The following NCBP3 variants were observed in gnomAD, a reference collection of about 807,000 sequenced individuals.
The protein encoded by NCBP3 is nuclear cap-binding protein subunit 3.
Under a neutral mutation model 75.7 loss-of-function variants are expected in NCBP3, and 20 were observed. The observed-to-expected ratio is 0.26, with a 90% CI of 0.19 to 0.38. The LOEUF (loss-of-function observed/expected upper bound fraction) is 0.38. Ranked by LOEUF, NCBP3 falls within the 10% of genes least tolerant of loss-of-function variation. The pLI is 1.00. For missense variants in NCBP3, 678 were observed against 796.9 expected (o/e 0.85, Z 1.80); for synonymous variants, 293 against 290.5 (o/e 1.01, Z -0.09).
intron 3 of NCBP3, among the ~76,000 whole-genome samples, chr17:3,838,133 G>C (rs1031088042): frequency 1.3e-5 from 2 of 152,156 alleles, no homozygotes; most frequent in African/African-American, 4.8e-5. Context: ...TAGATTCTAC[G>C]AGGCTTTTGC....
At chr17:3,827,597 A>G (rs780186996) in intron 4 of NCBP3, among the ~76,000 whole-genome samples, 1 of 152,336 alleles carries the variant, frequency 6.6e-6, no homozygotes, top group East Asian at 1.9e-4. Context: ...TGCGTCCCCT[A>G]TATCTCAGTT....
chr17:3,825,635 C>A, intron 6 of NCBP3, 132 bp downstream of exon 6: 2 of 633,452 alleles, frequency 3.2e-6, no homozygotes, highest in Non-Finnish European at 2.8e-6. Flanking sequence ...GGACAAGAGC[C>A]TGGTGCACCC....
intron 2 of NCBP3, among the ~76,000 whole-genome samples, chr17:3,841,065 C>T (rs1306307577): frequency 1.3e-5 from 2 of 152,180 alleles, no homozygotes; most frequent in Non-Finnish European, 2.9e-5. Context: ...CAACCTCCGC[C>T]TCCCGGGTTC....
In NCBP3 at chr17:3,846,098, C is replaced by G. The variant is rs1199436706; in HGVS notation, c.126G>C (p.Val42=). The G allele has an allele frequency of 6.5e-7, 1 of 1,549,424 alleles. No individual in the cohort carries two copies. Among genetic ancestry groups the G allele is most frequent in the Admixed American group, 2.0e-5 (1 of 50,948 alleles). ...VDRGEPEPME[V]EEGELEIVPV... is the part of the protein sequence containing the mutation. ...GCACGATTTCCAGCTCGCCCTCCTC[C>G]ACCTCCATGGGCTCCGGCTCGCCAC... The change falls in exon 1 of 13, where the codon GTG becomes GTC. Residue 42 remains valine, a synonymous_variant. Transcript: ENST00000389005. The surrounding 1 kb of genome is among the most constrained non-coding windows in gnomAD (Gnocchi z 4.6).
intron 7 of NCBP3, chr17:3,824,403 T>C (rs2053737130): frequency 6.6e-6 from 1 of 151,390 alleles, no homozygotes; most frequent in African/African-American, 2.5e-5. Context: ...CACACATACA[T>C]ATATACACAT....
intron 9 of NCBP3, among the ~76,000 whole-genome samples, chr17:3,820,555 C>G (rs187309011): frequency 1.3e-5 from 2 of 152,344 alleles, no homozygotes; most frequent in African/African-American, 2.4e-5. Flanking sequence ...CACAAACCAA[C>G]AAGCACAAAG....
chr17:3,845,013 T>C (rs1159281917), intron 1 of NCBP3, among the ~76,000 whole-genome samples: 1 of 152,092 alleles, frequency 6.6e-6, no homozygotes, highest in Non-Finnish European at 1.5e-5. Flanking sequence ...GCAGTAATAT[T>C]TATTTATTTT....
rs963117287 is a variant in NCBP3, at chr17:3,806,489, C to G, written c.*6555G>C. ...ACACAAAGTCTCAACTATTTACGAA[C>G]CTGGTCATCCAGAGAGGGCCCCGGA... On this transcript the variant is annotated 3_prime_UTR_variant, in exon 13 of 13. Transcript: ENST00000389005. 13 of 152,124 alleles carry G rather than the reference C, an allele frequency of 8.5e-5. No homozygotes were observed. The highest frequency in any genetic ancestry group is 3.1e-4 in the African/African-American group (13 of 41,426). The allele number at this position is 152,124 out of a possible 1,614,324, so 9.4% of individuals were successfully genotyped here. A position where few individuals can be genotyped will look rare whatever the true frequency, so the allele number is the denominator to read the frequency against.
In NCBP3 at chr17:3,824,993, C is replaced by T; in HGVS notation, c.745G>A (p.Ala249Thr). 6.5e-7 allele frequency: 1 copy of T among 1,546,342 alleles called. No individual in the cohort carries two copies. Among genetic ancestry groups the T allele is most frequent in the Non-Finnish European group, 8.7e-7 (1 of 1,144,616 alleles). ...ESLLRNDLRP[A>T]NKLAKGNRLF... is the part of the protein sequence containing the mutation. Reference sequence around the variant, plus strand: ...CTATTTCCTTTAGCAAGTTTGTTAGCTGGACGAAGATCGTTTCTTAACAAA... The same window carrying T: ...CTATTTCCTTTAGCAAGTTTGTTAGTTGGACGAAGATCGTTTCTTAACAAA... Residue 249 changes from alanine (A) to threonine (T), a missense_variant, in exon 7 of 13, where the codon GCT becomes ACT. Transcript: ENST00000389005.
At chr17:3,827,353 GA>G (rs1293830371) in intron 4 of NCBP3, among the ~76,000 whole-genome samples, 1 of 152,146 alleles carries the variant, frequency 6.6e-6, no homozygotes, top group Non-Finnish European at 1.5e-5. Context: ...CCCCTACAGG[GA>G]AGCCCTTTGC....
rs1007055483 is a variant in NCBP3, at chr17:3,812,304, C to T, written c.*740G>A. On this transcript the variant is annotated 3_prime_UTR_variant, in exon 13 of 13. Transcript: ENST00000389005. ...TAATACAGACTTAAAAATTCTTCAACATTGACCCATAATCCCACCCCAGCA... is the reference window on the plus strand; with the variant it reads ...TAATACAGACTTAAAAATTCTTCAATATTGACCCATAATCCCACCCCAGCA... 1.9e-5 allele frequency: 3 copies of T among 155,640 alleles called. No individual in the cohort carries two copies. The highest frequency in any genetic ancestry group is 7.2e-5 in the African/African-American group (3 of 41,504). 9.6% of individuals were successfully genotyped at this position (155,640 alleles called of 1,614,324 possible). A position where few individuals can be genotyped will look rare whatever the true frequency, so the allele number is the denominator to read the frequency against.
chr17:3,814,532 T>TCGGCAC, intron 11 of NCBP3, 49 bp from the exon 12 acceptor site: 1 of 1,599,678 alleles, frequency 6.3e-7, no homozygotes, highest in African/African-American at 1.3e-5. Context: ...TGCTTTATGC[T>TCGGCAC]CGGCACCAGC....
At chr17:3,823,054 CT>C (rs1306062733) in intron 7 of NCBP3, among the ~76,000 whole-genome samples, 1 of 152,232 alleles carries the variant, frequency 6.6e-6, no homozygotes, top group Non-Finnish European at 1.5e-5. Context: ...TGGCTCACGC[CT>C]GTAATCCCAG....
chr17:3,839,718 C>T (rs989330323), intron 3 of NCBP3, among the ~76,000 whole-genome samples: 4 of 152,228 alleles, frequency 2.6e-5, no homozygotes, highest in Middle Eastern at 3.4e-3. Context: ...TCTAACTCCC[C>T]GAAAAGAAGG....
At position 3,840,114 on chromosome 17, in the gene NCBP3, T is replaced by C; in HGVS notation, c.341A>G (p.Asp114Gly). 1 of 1,551,498 alleles carries C rather than the reference T, an allele frequency of 6.4e-7. No homozygotes were observed. Among genetic ancestry groups the C allele is most frequent in the Non-Finnish European group, 8.7e-7 (1 of 1,146,830 alleles). Reference protein sequence around the residue: ...LAQRNVALDRDMMKKAIPKVR... With the variant: ...LAQRNVALDRGMMKKAIPKVR... ...ACACCCTGTACCTTTCTTCATCATG[T>C]CTCGGTCCAAGGCTACATTTCTTTG... is the stretch of plus-strand genomic sequence containing the variant. The change falls in exon 3 of 13, where the codon GAC (aspartate) becomes GGC (glycine). Residue 114 changes from aspartate (D) to glycine (G), a missense_variant. Coordinates refer to ENST00000389005, the MANE Select transcript of NCBP3 (RefSeq NM_001114118.3).
rs1052722528 is a variant in NCBP3 at position 3,825,833 on chromosome 17, T to C, written c.621A>G (p.Glu207=). The part of the protein sequence containing the change: ...SAEKRKKDKQ[E]DSSDDDEAEE... ...CAGCTTCATCATCATCTGAACTGTC[T>C]TCCTGCTTGTCTAAAATGGAATGTG... Residue 207 remains glutamate, a synonymous_variant, in exon 6 of 13, where the codon GAA becomes GAG. Transcript: ENST00000389005. 7 of 1,551,114 alleles carry C rather than the reference T, an allele frequency of 4.5e-6. No homozygotes were observed. The highest frequency in any genetic ancestry group is 1.4e-5 in the African/African-American group (1 of 73,044).
At position 3,846,009 on chromosome 17, in the gene NCBP3, C is replaced by T; in HGVS notation, c.183+32G>A. On this transcript the variant is annotated intron_variant, in intron 1 of 12. Coordinates refer to ENST00000389005, the MANE Select transcript of NCBP3 (RefSeq NM_001114118.3). This position sits in a 1 kb window ranked among gnomAD's most constrained non-coding sequence, Gnocchi z 4.6. Reference sequence around the variant, plus strand: ...CCGGCGCTAGACACTAGCCCCGCGACCTCTTCCTTACCCCCCGACCCCCGC... The same window carrying T: ...CCGGCGCTAGACACTAGCCCCGCGATCTCTTCCTTACCCCCCGACCCCCGC... 11 of 1,540,236 alleles carry T rather than the reference C, an allele frequency of 7.1e-6. No homozygotes were observed. The highest frequency in any genetic ancestry group is 9.6e-6 in the Non-Finnish European group (11 of 1,141,712).
rs1205144059 is a variant in NCBP3 at position 3,826,139 on chromosome 17, C to G, written c.558G>C (p.Lys186Asn). The G allele has an allele frequency of 1.3e-6, 2 of 1,551,552 alleles. No individual in the cohort carries two copies. Among genetic ancestry groups the G allele is most frequent in the Non-Finnish European group, 1.7e-6 (2 of 1,146,972 alleles). Reference sequence around the variant, plus strand: ...CCTCACTGGCATCCCTGCTTCTGATCTTATCCTGTGCAGGCAGGGAGCTCA... The same window carrying G: ...CCTCACTGGCATCCCTGCTTCTGATGTTATCCTGTGCAGGCAGGGAGCTCA... Reference protein sequence around the residue: ...INMSSLPAQDKIRSRDASEDK... With the variant: ...INMSSLPAQDNIRSRDASEDK... Residue 186 changes from lysine (K) to asparagine (N), a missense_variant, in exon 5 of 13, where the codon AAG becomes AAC. Transcript: ENST00000389005.
At position 3,811,572 on chromosome 17, in the gene NCBP3, AAC is replaced by A. The variant is rs2053414975; in HGVS notation, c.*1470_*1471del. On this transcript the variant is annotated 3_prime_UTR_variant, in exon 13 of 13. Coordinates refer to ENST00000389005, the MANE Select transcript of NCBP3 (RefSeq NM_001114118.3). ...GCAGCCCTTTACTTCCTTTATTAAT[AAC>A]AGTGTTCTGCATTAATTCGTGCCAC... The A allele has an allele frequency of 6.6e-6, 1 of 152,224 alleles. No individual in the cohort carries two copies. Among genetic ancestry groups the A allele is most frequent in the Non-Finnish European group, 1.5e-5 (1 of 68,042 alleles). 9.4% of individuals were successfully genotyped at this position (152,224 alleles called of 1,614,324 possible). A position where few individuals can be genotyped will look rare whatever the true frequency, so the allele number is the denominator to read the frequency against.
Sources: allele counts gnomAD v4.1 joint callset (sites outside exome capture counted in the v4.1 genomes callset), GRCh38; gene constraint gnomAD v4.1.1; non-coding constraint Gnocchi (gnomAD v3.1); transcripts MANE v1.5; gene names NCBI Gene and HGNC (gene_info 2026-07-23, HGNC 2026-07-21).